Variants in RABGAP1L observed in about 807,000 individuals in gnomAD.
The protein encoded by RABGAP1L is rab GTPase-activating protein 1-like.
Under a neutral mutation model 137.7 loss-of-function variants are expected in RABGAP1L, and 63 were observed. That is an observed-to-expected ratio of 0.46 (90% CI 0.37 to 0.56). The LOEUF (loss-of-function observed/expected upper bound fraction) is 0.56. Among genes scored for constraint, RABGAP1L ranks in the 20% least tolerant of loss-of-function variants. The probability of loss-of-function intolerance (pLI) is 0.00; values close to 1 mark genes in which losing one functional copy is unlikely to be tolerated. For synonymous variants in RABGAP1L, 431 were observed against 433.7 expected, an observed-to-expected ratio of 0.99 and a Z score of 0.08; for missense variants, 1,095 against 1,244.0, an observed-to-expected ratio of 0.88 and a Z score of 1.80.
At chr1:174,780,329 T>C (rs1242960997) in intron 18 of RABGAP1L, among the ~76,000 whole-genome samples, 1 of 152,072 alleles carries the variant, frequency 6.6e-6, no homozygotes, top group Non-Finnish European at 1.5e-5. Flanking sequence ...ATCTCTGCTC[T>C]ACCTAAACTG....
intron 19 of RABGAP1L, among the ~76,000 whole-genome samples, chr1:174,882,487 G>T (rs1435201938): frequency 6.6e-6 from 1 of 152,126 alleles, no homozygotes; most frequent in Non-Finnish European, 1.5e-5. Context: ...AATACCTGCT[G>T]TTGCCACATG....
rs934060436 is a variant in RABGAP1L at position 174,962,136 on chromosome 1, C to G, written c.2433+4587C>G. Among the ~76,000 whole-genome samples, 4 of 151,360 alleles carry G rather than the reference C, an allele frequency of 2.6e-5. No homozygotes were observed. In the East Asian group the frequency reaches 7.7e-4, roughly 29 times the overall value. On this transcript the variant is annotated intron_variant, in intron 20 of 25. Transcript: ENST00000681986. ...TTTACAGTGAGCCAGGATCACGCCA[C>G]TGCGCTCCAGCCTGGGCGACAGAGT... is the stretch of plus-strand genomic sequence containing the variant.
intron 19 of RABGAP1L, among the ~76,000 whole-genome samples, chr1:174,914,851 C>A (rs1660600271): frequency 6.6e-6 from 1 of 152,140 alleles, no homozygotes; most frequent in Non-Finnish European, 1.5e-5. Context: ...GATCCATTCA[C>A]CCCTAATCTG....
chr1:174,993,640 A>G lies in RABGAP1L; in HGVS notation c.*3639A>G, dbSNP rs1344360884. 3.3e-5 allele frequency: 5 copies of G among 152,178 alleles called. No homozygotes were observed. Among genetic ancestry groups the G allele is most frequent in the Admixed American group, 1.3e-4 (2 of 15,284 alleles). 9.4% of individuals were successfully genotyped at this position (152,178 alleles called of 1,614,324 possible). A position where few individuals can be genotyped will look rare whatever the true frequency, so the allele number is the denominator to read the frequency against. ...GTTTAAGTCTTCATACTTTCACTAA[A>G]ATCTGTCTACTAACTCTCCCACCAA... On this transcript the variant is annotated 3_prime_UTR_variant, in exon 26 of 26. Transcript: ENST00000681986.
chr1:174,247,839 T>G (rs955210995), intron 5 of RABGAP1L, among the ~76,000 whole-genome samples: 6 of 152,046 alleles, frequency 3.9e-5, no homozygotes, highest in Admixed American at 2.0e-4. Flanking sequence ...GCAGGTGGTG[T>G]TCTGTCTCTT....
At chr1:174,943,774 A>C (rs961884076) in intron 19 of RABGAP1L, among the ~76,000 whole-genome samples, 1 of 151,962 alleles carries the variant, frequency 6.6e-6, no homozygotes, top group Non-Finnish European at 1.5e-5. Context: ...TGGAGGTTGC[A>C]GTGAGCCGAG....
At chr1:174,681,077 A>G (rs553859708) in intron 14 of RABGAP1L, among the ~76,000 whole-genome samples, 3 of 152,354 alleles carry the variant, frequency 2.0e-5, no homozygotes, top group Admixed American at 2.0e-4. Flanking sequence ...AGTATTGACA[A>G]GGAAGTGAAG....
intron 13 of RABGAP1L, among the ~76,000 whole-genome samples, chr1:174,445,522 G>T (rs1409788442): frequency 2.0e-5 from 3 of 151,884 alleles, no homozygotes; most frequent in African/African-American, 7.3e-5. Flanking sequence ...TAGTTCTATT[G>T]CTTTGTTTGT....
intron 18 of RABGAP1L, among the ~76,000 whole-genome samples, chr1:174,793,940 G>T (rs1027067048): frequency 9.9e-5 from 15 of 152,080 alleles, no homozygotes; most frequent in Middle Eastern, 3.4e-3. Context: ...CAAGCGATCC[G>T]CCCACCTCGG....
intron 13 of RABGAP1L, among the ~76,000 whole-genome samples, chr1:174,616,267 T>A (rs1442634268): frequency 6.6e-6 from 1 of 152,136 alleles, no homozygotes; most frequent in East Asian, 1.9e-4. Context: ...GGTTTGGAAG[T>A]CTGTGAATCC....
chr1:174,271,452 C>A (rs1674552187), intron 7 of RABGAP1L, among the ~76,000 whole-genome samples: 1 of 152,032 alleles, frequency 6.6e-6, no homozygotes, highest in African/African-American at 2.4e-5. Context: ...ATATTCTTTA[C>A]CCTTTCTATA....
At chr1:174,219,665 G>T (rs1469596893) in intron 2 of RABGAP1L, among the ~76,000 whole-genome samples, 2 of 152,120 alleles carry the variant, frequency 1.3e-5, no homozygotes, top group Non-Finnish European at 2.9e-5. Flanking sequence ...TTTTCTTTAT[G>T]ATTTTTATGT....
chr1:174,392,469 G>GT lies in RABGAP1L; in HGVS notation c.1560-1523dup, dbSNP rs1178985496. On this transcript the variant is annotated intron_variant, in intron 12 of 25. Transcript: ENST00000681986. ...GTCATATAAACTCTGCCTTTCTCTA[G>GT]TTTATTTTTGCTTCAAGCCCATCAG... is the stretch of plus-strand genomic sequence containing the variant. Among the ~76,000 whole-genome samples the GT allele has an allele frequency of 4.6e-5, 7 of 152,224 alleles. No individual in the cohort carries two copies. The East Asian group carries it at 7.7e-4, about 17-fold the overall frequency.
intron 18 of RABGAP1L, among the ~76,000 whole-genome samples, chr1:174,775,466 A>AC (rs1213254790): frequency 6.6e-6 from 1 of 152,042 alleles, no homozygotes; most frequent in African/African-American, 2.4e-5. Context: ...GGCAGACTCC[A>AC]CCACGCCTGG....
At chr1:174,808,909 G>A (rs1689601295) in intron 18 of RABGAP1L, among the ~76,000 whole-genome samples, 1 of 151,756 alleles carries the variant, frequency 6.6e-6, no homozygotes. Flanking sequence ...CACCCGCCTC[G>A]GCCTCCCAAA....
At chr1:174,444,727 AT>A (rs1453586985) in intron 13 of RABGAP1L, among the ~76,000 whole-genome samples, 2 of 151,992 alleles carry the variant, frequency 1.3e-5, no homozygotes, top group African/African-American at 2.4e-5. Context: ...GTTTGTTGGC[AT>A]ATATATTTTT....
At chr1:174,925,876 GTT>G (rs1427562681) in intron 19 of RABGAP1L, among the ~76,000 whole-genome samples, 3 of 108,674 alleles carry the variant, frequency 2.8e-5, no homozygotes, top group Non-Finnish European at 4.0e-5. Flanking sequence ...TTTTGTTTTT[GTT>G]TTTTTTTTGT....
At chr1:174,956,270 T>C (rs1223499602) in intron 19 of RABGAP1L, among the ~76,000 whole-genome samples, 1 of 151,986 alleles carries the variant, frequency 6.6e-6, no homozygotes, top group Admixed American at 6.6e-5. Context: ...GCCGTCATAG[T>C]GCACTGCAGC....
At chr1:174,615,945 G>A (rs953951556) in intron 13 of RABGAP1L, among the ~76,000 whole-genome samples, 3 of 152,186 alleles carry the variant, frequency 2.0e-5, no homozygotes, top group Non-Finnish European at 2.9e-5. Flanking sequence ...TGCAGTATTC[G>A]GGTGGGAGTT....
Sources: gnomAD v4.1 joint callset for allele counts (sites outside exome capture counted in the v4.1 genomes callset) on GRCh38, gnomAD v4.1.1 for gene constraint, MANE v1.5 for transcripts, NCBI Gene and HGNC (gene_info 2026-07-23, HGNC 2026-07-21) for gene names.